The following VAV3 variants were observed in gnomAD, a reference collection of about 807,000 sequenced individuals.
The protein encoded by VAV3 is vav guanine nucleotide exchange factor 3.
A neutral mutation model predicts 131.2 loss-of-function variants in VAV3; 94 were observed. The observed-to-expected ratio is 0.72, with a 90% CI of 0.61 to 0.85. VAV3 has a LOEUF of 0.85. Ranked by LOEUF, VAV3 falls within the 40% of genes least tolerant of loss-of-function variation. VAV3 has a pLI of 0.00. For synonymous variants in VAV3, 349 were observed against 342.0 expected, an observed-to-expected ratio of 1.02 and a Z score of -0.22; for missense variants, 939 against 1,002.7, an observed-to-expected ratio of 0.94 and a Z score of 0.86.
intron 25 of VAV3, among the ~76,000 whole-genome samples, chr1:107,580,687 A>G (rs1184609779): frequency 6.6e-6 from 1 of 152,162 alleles, no homozygotes; most frequent in Non-Finnish European, 1.5e-5. Flanking sequence ...AGCTGGAAAA[A>G]CAGCATTTGA....
chr1:107,902,329 A>C (rs2101091771), intron 1 of VAV3, among the ~76,000 whole-genome samples: 1 of 152,292 alleles, frequency 6.6e-6, no homozygotes, highest in Non-Finnish European at 1.5e-5. Context: ...TAACAGATGG[A>C]GATGTAATTG....
At chr1:107,914,137 C>T (rs1276086359) in intron 1 of VAV3, among the ~76,000 whole-genome samples, 1 of 152,062 alleles carries the variant, frequency 6.6e-6, no homozygotes, top group African/African-American at 2.4e-5. Flanking sequence ...TACAAACATA[C>T]AGAGATGATA....
At chr1:107,620,319 A>C (rs919805846) in intron 20 of VAV3, among the ~76,000 whole-genome samples, 11 of 152,178 alleles carry the variant, frequency 7.2e-5, no homozygotes, top group African/African-American at 2.7e-4. Flanking sequence ...ATGTCAGTCA[A>C]TGACTAACTT....
chr1:107,771,095 AAAGT>A (rs1270831808), intron 5 of VAV3, among the ~76,000 whole-genome samples: 1 of 152,222 alleles, frequency 6.6e-6, no homozygotes, highest in Non-Finnish European at 1.5e-5. Flanking sequence ...GGTATTTGGC[AAAGT>A]AAGTAAAGAC....
chr1:107,737,342 A>G (rs1242513835), intron 15 of VAV3, among the ~76,000 whole-genome samples: 1 of 152,248 alleles, frequency 6.6e-6, no homozygotes, highest in Non-Finnish European at 1.5e-5. Context: ...AACAAAAGCC[A>G]AAATTGACAA....
chr1:107,575,843 T>C (rs1016684021), intron 25 of VAV3, among the ~76,000 whole-genome samples: 2 of 152,170 alleles, frequency 1.3e-5, no homozygotes, highest in African/African-American at 4.8e-5. Context: ...ATCTAATGTA[T>C]ACCCTAAATG....
Position 107,722,840 on chromosome 1 carries a change from C to CTTTTTTTTTTTT in VAV3, c.1503-17791_1503-17780dup, listed in dbSNP as rs374127110. 9.3e-4 allele frequency among the ~76,000 whole-genome samples: 121 copies of CTTTTTTTTTTTT among 129,774 alleles called. 2 individuals carry two copies. The highest frequency in any genetic ancestry group is 4.5e-3 in the Middle Eastern group (1 of 222). 85.1% of individuals were successfully genotyped at this position (129,774 alleles called of 152,430 possible). A position where few individuals can be genotyped will look rare whatever the true frequency, so the allele number is the denominator to read the frequency against. ...GTGTCAGAAAGCCCTATTATCCTCT[C>CTTTTTTTTTTTT]TTTTTTTTTTTTTTTGTACGCTTAC... On this transcript the variant is annotated intron_variant, in intron 15 of 26. Transcript: ENST00000370056.
intron 25 of VAV3, among the ~76,000 whole-genome samples, chr1:107,579,542 T>C (rs1374403359): frequency 6.6e-6 from 1 of 152,222 alleles, no homozygotes; most frequent in Non-Finnish European, 1.5e-5. Flanking sequence ...TTCTCTGCAA[T>C]ATGAAGTTAA....
rs768711543 is a variant in VAV3 at position 107,596,303 on chromosome 1, T to A, written c.2259A>T (p.Glu753Asp). 6.2e-7 allele frequency: 1 copy of A among 1,613,526 alleles called. No homozygotes were observed. Among genetic ancestry groups the A allele is most frequent in the South Asian group, 1.1e-5 (1 of 91,040 alleles). ...GAGTTGTATCTAAGGTTCTGAACCC[T>A]TCCTTGAGAGAATGATGCTTGTAGT... ...VEYYKHHSLK[E>D]GFRTLDTTLQ... is the part of the protein sequence containing the mutation. Residue 753 changes from glutamate to aspartate, a missense_variant, in exon 25 of 27, where the codon GAA becomes GAT. Glu to Asp is a conservative substitution (Grantham distance 45). Coordinates refer to ENST00000370056, the MANE Select transcript of VAV3 (RefSeq NM_006113.5).
intron 15 of VAV3, among the ~76,000 whole-genome samples, chr1:107,728,926 T>G (rs1662045176): frequency 6.6e-6 from 1 of 152,212 alleles, no homozygotes; most frequent in African/African-American, 2.4e-5. Context: ...TCCGACAGTA[T>G]GCAGAAAATC....
chr1:107,746,815 A>G (rs1663374783), intron 15 of VAV3, among the ~76,000 whole-genome samples: 1 of 152,116 alleles, frequency 6.6e-6, no homozygotes, highest in African/African-American at 2.4e-5. Flanking sequence ...GCTATCTCAG[A>G]CTACAAGGTA....
intron 1 of VAV3, among the ~76,000 whole-genome samples, chr1:107,925,980 T>C (rs1333654534): frequency 6.6e-6 from 1 of 151,730 alleles, no homozygotes; most frequent in Non-Finnish European, 1.5e-5. Context: ...ATGTAAAAAA[T>C]TGTTACAAGA....
chr1:107,785,521 G>C, intron 2 of VAV3: 1 of 1,293,164 alleles, frequency 7.7e-7, no homozygotes, highest in Non-Finnish European at 1.0e-6. Context: ...TGCAAGACGA[G>C]CTTGGGGGTT....
intron 14 of VAV3, 88 bp downstream of exon 14, chr1:107,749,374 G>C: frequency 7.3e-7 from 1 of 1,368,696 alleles, no homozygotes; most frequent in Non-Finnish European, 9.8e-7. Flanking sequence ...GGATTGATAA[G>C]CCATATCTCA....
chr1:107,580,622 T>C (rs1649976931), intron 25 of VAV3, among the ~76,000 whole-genome samples: 1 of 152,196 alleles, frequency 6.6e-6, no homozygotes, highest in South Asian at 2.1e-4. Flanking sequence ...TGACTTATTG[T>C]TGCCACTCTT....
chr1:107,573,401 A>G, intron 26 of VAV3, 29 bp from the exon 27 acceptor site: 1 of 1,613,748 alleles, frequency 6.2e-7, no homozygotes. Context: ...CAACACAGCA[A>G]CATGACTTTG....
chr1:107,739,245 A>G (rs899188638), intron 15 of VAV3, among the ~76,000 whole-genome samples: 2 of 152,232 alleles, frequency 1.3e-5, no homozygotes, highest in Non-Finnish European at 2.9e-5. Flanking sequence ...CAAAACAAGA[A>G]TACTATTTAA....
chr1:107,673,203 C>T lies in VAV3; in HGVS notation c.1777+10285G>A, dbSNP rs373818515. On this transcript the variant is annotated intron_variant, in intron 19 of 26. Transcript: ENST00000370056. Reference sequence around the variant, plus strand: ...TATTTAATGACTCAAGATTCAAGTGCGGCTAGGGTGATCTTTTCAACCAGT... The same window carrying T: ...TATTTAATGACTCAAGATTCAAGTGTGGCTAGGGTGATCTTTTCAACCAGT... Among the ~76,000 whole-genome samples, 28 of 152,142 alleles carry T rather than the reference C, an allele frequency of 1.8e-4. 1 individual carries two copies. Among genetic ancestry groups the T allele is most frequent in the East Asian group, 1.3e-3 (7 of 5,192 alleles).
At chr1:107,643,546 A>G (rs988402779) in intron 19 of VAV3, among the ~76,000 whole-genome samples, 1 of 152,126 alleles carries the variant, frequency 6.6e-6, no homozygotes, top group Non-Finnish European at 1.5e-5. Context: ...ACTGCTCCCA[A>G]CTAAGAGAGG....
Sources: allele counts gnomAD v4.1 joint callset (sites outside exome capture counted in the v4.1 genomes callset), GRCh38; gene constraint gnomAD v4.1.1; transcripts MANE v1.5; gene names NCBI Gene and HGNC (gene_info 2026-07-23, HGNC 2026-07-21).